Variants in GOLGA6L2 observed in about 807,000 individuals in gnomAD.
The protein encoded by GOLGA6L2 is golgin A6 family like 2, also known as golgin subfamily A member 6-like protein 2.
GOLGA6L2 carries 30 observed loss-of-function variants against 35.9 expected under a neutral mutation model. The observed-to-expected ratio is 0.83, with a 90% CI of 0.62 to 1.13. The LOEUF (loss-of-function observed/expected upper bound fraction) is 1.13. Among genes scored for constraint, GOLGA6L2 ranks in the 50% most tolerant of loss-of-function variants. GOLGA6L2 has a pLI of 0.00. For missense variants in GOLGA6L2, 821 were observed against 973.4 expected, an observed-to-expected ratio of 0.84 and a Z score of 2.08; for synonymous variants, 297 against 344.0, an observed-to-expected ratio of 0.86 and a Z score of 1.51.
At chr15:23,443,328 T>C (rs1021611289) in intron 5 of GOLGA6L2, among the ~76,000 whole-genome samples, 2 of 152,082 alleles carry the variant, frequency 1.3e-5, no homozygotes, top group African/African-American at 2.4e-5. Flanking sequence ...TCTCCTGAGT[T>C]TTTTATGAAT....
intron 1 of GOLGA6L2, 27 bp downstream of exon 1, chr15:23,447,070 TG>T: frequency 9.7e-7 from 1 of 1,030,004 alleles, no homozygotes; most frequent in Non-Finnish European, 1.3e-6. Flanking sequence ...GGGTTGGGGT[TG>T]GGGTGCCGCA....
chr15:23,440,297 T>C lies in GOLGA6L2; in HGVS notation c.2178A>G (p.Gly726=), dbSNP rs536795388. ...RSRRSGAEDV[G]PEGEDVGAGR... is the part of the protein sequence containing the mutation. ...CTGCTCCCACATCCTCTCCTTCTGGTCCCACATCTTCTGCTCCTGATCTCC... is the reference window on the plus strand; with the variant it reads ...CTGCTCCCACATCCTCTCCTTCTGGCCCCACATCTTCTGCTCCTGATCTCC... Residue 726 remains glycine, a synonymous_variant, in exon 8 of 8, where the codon GGA becomes GGG. Coordinates refer to ENST00000567107, the MANE Select transcript of GOLGA6L2 (RefSeq NM_001304388.2). 3.1e-5 allele frequency: 21 copies of C among 672,674 alleles called. No individual in the cohort carries two copies. Among genetic ancestry groups the C allele is most frequent in the South Asian group, 7.8e-5 (5 of 63,946 alleles). The allele number at this position is 672,674 out of a possible 1,614,324, so 41.7% of individuals were successfully genotyped here. A position where few individuals can be genotyped will look rare whatever the true frequency, so the allele number is the denominator to read the frequency against.
chr15:23,443,775 A>G lies in GOLGA6L2; in HGVS notation c.591+2T>C. 3 of 1,535,726 alleles carry G rather than the reference A, an allele frequency of 2.0e-6. No homozygotes were observed. Among genetic ancestry groups the G allele is most frequent in the Non-Finnish European group, 2.6e-6 (3 of 1,146,342 alleles). On this transcript the variant is annotated splice_donor_variant, in intron 5 of 7. Transcript: ENST00000567107. LOFTEE classifies it high-confidence loss of function. ...GGAGACTGGGGAGGTGATTGGACTT[A>G]CCCTGTCTGCCTTCTTGTGCCATGT...
chr15:23,442,572 C>A, intron 5 of GOLGA6L2, 64 bp from the exon 6 acceptor site: 1 of 1,453,950 alleles, frequency 6.9e-7, no homozygotes, highest in African/African-American at 1.4e-5. Flanking sequence ...CGACCAGGAA[C>A]AACAGCTACA....
chr15:23,442,495 A>G lies in GOLGA6L2; in HGVS notation c.605T>C (p.Leu202Ser). 1 of 1,593,812 alleles carries G rather than the reference A, an allele frequency of 6.3e-7. No homozygotes were observed. The highest frequency in any genetic ancestry group is 1.7e-5 in the Admixed American group (1 of 59,202). ...ACTCAGGGCGTCCCTCTCCTTTGTT[A>G]ACTCCTCGATGTACTGCAAATAGAG... The part of the protein sequence containing the change: ...HKKADRYIEE[L>S]TKERDALSLE... Residue 202 changes from leucine to serine, a missense_variant, in exon 6 of 8, where the codon TTA (leucine) becomes TCA (serine). Physicochemically the swap from Leu to Ser is moderately radical, Grantham distance 145. Around this residue, in one of 7 missense-constraint regions of GOLGA6L2, gnomAD observed 614 missense variants for 632.3 expected, o/e 0.97. Transcript: ENST00000567107.
In GOLGA6L2 at chr15:23,439,121, C is replaced by T. The variant is rs1364081327; in HGVS notation, c.*624G>A. On this transcript the variant is annotated 3_prime_UTR_variant, in exon 8 of 8. Transcript: ENST00000567107. Reference sequence around the variant, plus strand: ...AGACCAAGAAGAAAAACAATAGAAACATACATAGATATCAGAGTCCTCAGG... The same window carrying T: ...AGACCAAGAAGAAAAACAATAGAAATATACATAGATATCAGAGTCCTCAGG... Among the ~76,000 whole-genome samples the T allele has an allele frequency of 6.6e-6, 1 of 150,680 alleles. No homozygotes were observed. The highest frequency in any genetic ancestry group is 1.5e-5 in the Non-Finnish European group (1 of 67,816).
rs1171173464 is a variant in GOLGA6L2 at position 23,447,103 on chromosome 15, T to C, written c.79A>G (p.Lys27Glu). Residue 27 changes from lysine to glutamate, a missense_variant, in exon 1 of 8, where the codon AAA becomes GAA. By Grantham distance (56) the Lys-to-Glu change is moderately conservative. Transcript: ENST00000567107. ...TRQNKLAEAK[K>E]KFTDYRQWNI... ...CGCAACCCAGTGAGTTTTACCTTTTTCTTGGCCTCAGCCAATTTGTTCTGT... is the reference window on the plus strand; with the variant it reads ...CGCAACCCAGTGAGTTTTACCTTTTCCTTGGCCTCAGCCAATTTGTTCTGT... 11 of 1,554,072 alleles carry C rather than the reference T, an allele frequency of 7.1e-6. No individual in the cohort carries two copies. Among genetic ancestry groups the C allele is most frequent in the African/African-American group, 2.7e-5 (2 of 73,778 alleles).
chr15:23,446,737 C>T (rs1262386615), intron 1 of GOLGA6L2, among the ~76,000 whole-genome samples: 1 of 151,950 alleles, frequency 6.6e-6, no homozygotes, highest in East Asian at 1.9e-4. Flanking sequence ...GTCACCTGCC[C>T]AAAGTCACCC....
At position 23,444,458 on chromosome 15, in the gene GOLGA6L2, C is replaced by A. The variant is rs11853029; in HGVS notation, c.243+13G>T. On this transcript the variant is annotated intron_variant, in intron 3 of 7. Coordinates refer to ENST00000567107, the MANE Select transcript of GOLGA6L2 (RefSeq NM_001304388.2). ...ACCCAGCAGTCATGTCGTGAGCAAA[C>A]AAATCACGTTACTTCTTTCAGCTGC... The A allele has an allele frequency of 5.6e-6, 9 of 1,600,590 alleles. No individual in the cohort carries two copies. The East Asian group carries it at 1.8e-4, about 32-fold the overall frequency.
chr15:23,441,768 T>A (rs183574123), intron 7 of GOLGA6L2, 86 bp from the exon 8 acceptor site: 39 of 1,399,302 alleles, frequency 2.8e-5, no homozygotes, highest in Middle Eastern at 2.0e-4. Context: ...TAAAAAAAAT[T>A]TTTAAGCCTT....
In GOLGA6L2 at chr15:23,447,078, C is replaced by G; in HGVS notation, c.84+20G>C. 7.1e-7 allele frequency: 1 copy of G among 1,413,626 alleles called. No homozygotes were observed. Among genetic ancestry groups the G allele is most frequent in the Non-Finnish European group, 9.7e-7 (1 of 1,033,782 alleles). The allele number at this position is 1,413,626 out of a possible 1,614,324, so 87.6% of individuals were successfully genotyped here. A position where few individuals can be genotyped will look rare whatever the true frequency, so the allele number is the denominator to read the frequency against. On this transcript the variant is annotated intron_variant, in intron 1 of 7. Coordinates refer to ENST00000567107, the MANE Select transcript of GOLGA6L2 (RefSeq NM_001304388.2). ...TGGGGCTGGGTTGGGGTTGGGGTGCCGCAACCCAGTGAGTTTTACCTTTTT... is the reference window on the plus strand; with the variant it reads ...TGGGGCTGGGTTGGGGTTGGGGTGCGGCAACCCAGTGAGTTTTACCTTTTT...
At position 23,444,370 on chromosome 15, in the gene GOLGA6L2, C is replaced by G. The variant is rs550222464; in HGVS notation, c.243+101G>C. ...GATGGGGTGGAATCTTGGCGGTGAGCCTTCTTCCCCAAGCTGGGAGTAGGC... is the reference window on the plus strand; with the variant it reads ...GATGGGGTGGAATCTTGGCGGTGAGGCTTCTTCCCCAAGCTGGGAGTAGGC... On this transcript the variant is annotated intron_variant, in intron 3 of 7. Coordinates refer to ENST00000567107, the MANE Select transcript of GOLGA6L2 (RefSeq NM_001304388.2). 7 of 1,480,718 alleles carry G rather than the reference C, an allele frequency of 4.7e-6. No homozygotes were observed. The African/African-American group carries it at 5.5e-5, about 12-fold the overall frequency. The allele number at this position is 1,480,718 out of a possible 1,614,324, so 91.7% of individuals were successfully genotyped here.
rs113685354 is a variant in GOLGA6L2, at chr15:23,444,089, C to T, written c.295-16G>A. On this transcript the variant is annotated splice_polypyrimidine_tract_variant and intron_variant, in intron 4 of 7. Coordinates refer to ENST00000567107, the MANE Select transcript of GOLGA6L2 (RefSeq NM_001304388.2). ...GATCCTGGGCCTTTGGGAGAAAAGA[C>T]AAGCAAGTGCTGAAAGAGAAGCAAA... The T allele has an allele frequency of 8.2e-3, 12,915 of 1,577,906 alleles. 890 individuals carry two copies. In the African/African-American group the frequency reaches 0.15, roughly 19 times the overall value.
intron 7 of GOLGA6L2, 148 bp from the exon 8 acceptor site, chr15:23,441,830 G>A (rs1409264150): frequency 7.4e-7 from 1 of 1,355,344 alleles, no homozygotes; most frequent in Non-Finnish European, 9.7e-7. Flanking sequence ...TAGATTTTTA[G>A]CACACTCTAG....
At position 23,439,807 on chromosome 15, in the gene GOLGA6L2, C is replaced by T. The variant is rs1334244065; in HGVS notation, c.2668G>A (p.Ala890Thr). Residue 890 changes from alanine to threonine, a missense_variant, in exon 8 of 8, where the codon GCT becomes ACT. Coordinates refer to ENST00000567107, the MANE Select transcript of GOLGA6L2 (RefSeq NM_001304388.2). The stretch of plus-strand genomic sequence containing the variant: ...AGCACCGCTCCTCGTGCTCTGGCAG[C>T]CTCTCCTGCATCTTCTCTTTCTGAT... ...TRSEREDAGEAARARGAVLRA... is the reference protein window; with the variant it reads ...TRSEREDAGETARARGAVLRA... 2.0e-6 allele frequency: 3 copies of T among 1,532,002 alleles called. No homozygotes were observed. In the East Asian group the frequency reaches 7.4e-5, roughly 38 times the overall value. 94.9% of individuals were successfully genotyped at this position (1,532,002 alleles called of 1,614,324 possible). A position where few individuals can be genotyped will look rare whatever the true frequency, so the allele number is the denominator to read the frequency against.
Position 23,440,671 on chromosome 15 carries a change from C to T in GOLGA6L2, c.1804G>A (p.Ala602Thr). 6.9e-7 allele frequency: 1 copy of T among 1,454,482 alleles called. No homozygotes were observed. Among genetic ancestry groups the T allele is most frequent in the Non-Finnish European group, 9.3e-7 (1 of 1,074,966 alleles). 90.1% of individuals were successfully genotyped at this position (1,454,482 alleles called of 1,614,324 possible). The change falls in exon 8 of 8, where the codon GCA becomes ACA. Residue 602 changes from alanine to threonine, a missense_variant. By Grantham distance (58) the Ala-to-Thr change is moderately conservative (BLOSUM62 0). Transcript: ENST00000567107. ...TCTCCTCCCGCATCTTCTCCTCCTG[C>T]TGCCACATCTTCTTCTGCTCCCGCA... ...ENAGAEEDVA[A>T]GGEDAGGEED... is the part of the protein sequence containing the mutation.
At chr15:23,446,689 G>A (rs1395571665) in intron 1 of GOLGA6L2, among the ~76,000 whole-genome samples, 1 of 152,120 alleles carries the variant, frequency 6.6e-6, no homozygotes, top group Non-Finnish European at 1.5e-5. Flanking sequence ...TGGGGCGACG[G>A]GAGGTGAGGG....
At chr15:23,444,560 C>T (rs757134805) in intron 2 of GOLGA6L2, 60 bp from the exon 3 acceptor site, 44 of 1,524,876 alleles carry the variant, frequency 2.9e-5, no homozygotes, top group South Asian at 1.6e-4. Flanking sequence ...ATTCCCCAGG[C>T]CAGGAAGCGG....
At chr15:23,441,711 C>A (rs1166212001) in intron 7 of GOLGA6L2, 29 bp from the exon 8 acceptor site, 9 of 1,456,602 alleles carry the variant, frequency 6.2e-6, no homozygotes, top group African/African-American at 1.4e-5. Flanking sequence ...TATGAACTAG[C>A]TATATAAATG....
Sources: gnomAD v4.1 joint callset for allele counts (sites outside exome capture counted in the v4.1 genomes callset) on GRCh38, gnomAD v4.1.1 for gene constraint, gnomAD v4.1.1 regional missense constraint, MANE v1.5 for transcripts, NCBI Gene and HGNC (gene_info 2026-07-23, HGNC 2026-07-21) for gene names.